The following ERC2 variants were observed in gnomAD, a reference collection of about 807,000 sequenced individuals.
ERC2 encodes the protein ERC protein 2.
Under a neutral mutation model 114.8 loss-of-function variants are expected in ERC2, and 42 were observed. The observed-to-expected ratio is 0.37, with a 90% CI of 0.29 to 0.47. The LOEUF is 0.47. Among genes scored for constraint, ERC2 ranks in the 20% least tolerant of loss-of-function variants. The pLI is 0.99. For missense variants in ERC2, 939 were observed against 1,150.7 expected, an observed-to-expected ratio of 0.82 and a Z score of 2.66; for synonymous variants, 454 against 425.5, an observed-to-expected ratio of 1.07 and a Z score of -0.82.
intron 8 of ERC2, among the ~76,000 whole-genome samples, chr3:56,011,989 T>C (rs551806989): frequency 6.6e-6 from 1 of 152,314 alleles, no homozygotes; most frequent in Non-Finnish European, 1.5e-5. Context: ...ATTTTCCAAT[T>C]ATTTAAAAAC....
intron 7 of ERC2, among the ~76,000 whole-genome samples, chr3:56,068,133 C>T (rs1046143541): frequency 1.3e-5 from 2 of 152,154 alleles, no homozygotes; most frequent in African/African-American, 4.8e-5. Context: ...CTCTTTGTAC[C>T]TCTGGTAGAA....
At chr3:55,626,493 A>G (rs377405605) in intron 17 of ERC2, among the ~76,000 whole-genome samples, 3 of 152,336 alleles carry the variant, frequency 2.0e-5, no homozygotes, top group South Asian at 2.1e-4. Flanking sequence ...CATTTTTTCC[A>G]TTCTTTACAC....
At chr3:56,015,391 G>A (rs1377145202) in intron 8 of ERC2, among the ~76,000 whole-genome samples, 1 of 144,798 alleles carries the variant, frequency 6.9e-6, no homozygotes, top group Admixed American at 7.2e-5. Context: ...GCCCCAGTGT[G>A]TGTTGTTCCC....
chr3:55,839,505 T>C (rs983534139), intron 14 of ERC2, among the ~76,000 whole-genome samples: 1 of 151,658 alleles, frequency 6.6e-6, no homozygotes, highest in African/African-American at 2.4e-5. Context: ...TATTGTGGGG[T>C]TAATAACAAA....
chr3:56,325,354 G>A (rs896122795), intron 2 of ERC2, among the ~76,000 whole-genome samples: 2 of 152,036 alleles, frequency 1.3e-5, no homozygotes, highest in African/African-American at 2.4e-5. Context: ...GCTGAGACAG[G>A]AGAATGGCAT....
At position 56,372,399 on chromosome 3, in the gene ERC2, G is replaced by A. The variant is rs560297587; in HGVS notation, c.657+61952C>T. 1.8e-4 allele frequency among the ~76,000 whole-genome samples: 27 copies of A among 151,998 alleles called. 1 individual carries two copies. The highest frequency in any genetic ancestry group is 1.5e-3 in the Admixed American group (23 of 15,262). ...GAGAATGCAGACACTATTAATGAAC[G>A]CTTTGTAAAGATTAGGAAACTGAAG... On this transcript the variant is annotated intron_variant, in intron 2 of 17. Coordinates refer to ENST00000288221, the MANE Select transcript of ERC2 (RefSeq NM_015576.3).
intron 2 of ERC2, among the ~76,000 whole-genome samples, chr3:56,365,996 A>G (rs1352438219): frequency 6.6e-6 from 1 of 152,138 alleles, no homozygotes; most frequent in Non-Finnish European, 1.5e-5. Flanking sequence ...CTGACCTACA[A>G]CCTCTGCAGC....
chr3:55,997,099 T>C, intron 10 of ERC2, among the ~76,000 whole-genome samples: 1 of 152,198 alleles, frequency 6.6e-6, no homozygotes, highest in East Asian at 1.9e-4. Context: ...ATTATTACAT[T>C]ATATAACACG....
chr3:56,274,870 C>T (rs1366313873), intron 3 of ERC2, among the ~76,000 whole-genome samples: 2 of 152,152 alleles, frequency 1.3e-5, no homozygotes, highest in Non-Finnish European at 2.9e-5. Flanking sequence ...TCTGTTTATT[C>T]CCAAGGCAAA....
At chr3:56,256,134 A>G (rs2052500945) in intron 3 of ERC2, among the ~76,000 whole-genome samples, 1 of 152,236 alleles carries the variant, frequency 6.6e-6, no homozygotes, top group South Asian at 2.1e-4. Flanking sequence ...ACTCTGTCTG[A>G]AAGCTTTAAA....
intron 2 of ERC2, among the ~76,000 whole-genome samples, chr3:56,343,591 C>T (rs1347215328): frequency 6.6e-6 from 1 of 151,962 alleles, no homozygotes; most frequent in Non-Finnish European, 1.5e-5. Flanking sequence ...GCATTCCAGC[C>T]TCGGCAAAAA....
intron 13 of ERC2, among the ~76,000 whole-genome samples, chr3:55,922,821 C>T (rs2065506206): frequency 6.6e-6 from 1 of 152,132 alleles, no homozygotes; most frequent in African/African-American, 2.4e-5. Context: ...GAACAAGATG[C>T]TCAACATCAC....
chr3:55,827,655 T>C (rs1480167792), intron 14 of ERC2, among the ~76,000 whole-genome samples: 1 of 152,230 alleles, frequency 6.6e-6, no homozygotes, highest in African/African-American at 2.4e-5. Flanking sequence ...TTGTTGTTTG[T>C]TGTTTTAATA....
intron 3 of ERC2, among the ~76,000 whole-genome samples, chr3:56,178,749 T>G (rs1225290229): frequency 1.3e-5 from 2 of 151,388 alleles, no homozygotes; most frequent in African/African-American, 2.4e-5. Context: ...TAGTTGTTTG[T>G]TTTTTTTTAA....
At chr3:55,927,811 C>T (rs2065837922) in intron 13 of ERC2, among the ~76,000 whole-genome samples, 1 of 152,102 alleles carries the variant, frequency 6.6e-6, no homozygotes, top group African/African-American at 2.4e-5. Context: ...ATGAGTTTCA[C>T]TGTTTTAATT....
At chr3:56,209,901 T>C (rs1553878659) in intron 3 of ERC2, among the ~76,000 whole-genome samples, 1 of 152,052 alleles carries the variant, frequency 6.6e-6, no homozygotes, top group Non-Finnish European at 1.5e-5. Flanking sequence ...CTTTGTGGAG[T>C]TGAGAGAACC....
intron 2 of ERC2, among the ~76,000 whole-genome samples, chr3:56,348,893 AAGGAAGGAAG>A (rs2058423293): frequency 2.2e-5 from 1 of 44,942 alleles, no homozygotes; most frequent in Admixed American, 2.7e-4. Context: ...GGAAGGAAGG[AAGGAAGGAAG>A]GAAAGAAGGA....
At chr3:55,949,262 C>T (rs1456759179) in intron 13 of ERC2, among the ~76,000 whole-genome samples, 3 of 152,020 alleles carry the variant, frequency 2.0e-5, no homozygotes, top group African/African-American at 4.8e-5. Flanking sequence ...CCCAGCTACT[C>T]GGGAGGTTGA....
At chr3:56,161,888 C>T (rs185434899) in intron 4 of ERC2, among the ~76,000 whole-genome samples, 35 of 152,220 alleles carry the variant, frequency 2.3e-4, no homozygotes, top group Admixed American at 1.5e-3. Context: ...TTTCTCTTGC[C>T]TAATTGCTCT....
Sources: gnomAD v4.1 joint callset for allele counts (sites outside exome capture counted in the v4.1 genomes callset) on GRCh38, gnomAD v4.1.1 for gene constraint, MANE v1.5 for transcripts, NCBI Gene and HGNC (gene_info 2026-07-23, HGNC 2026-07-21) for gene names.